Variants in ZFAND3 observed in about 807,000 individuals in gnomAD.
ZFAND3 encodes the protein zinc finger AN1-type containing 3.
In ZFAND3, 10 loss-of-function variants were observed where a neutral mutation model predicts 29.6. The observed-to-expected ratio is 0.34, with a 90% CI of 0.21 to 0.57. The LOEUF (loss-of-function observed/expected upper bound fraction) is 0.57, where lower values mean the gene tolerates loss of function less well. Ranked by LOEUF, ZFAND3 falls within the 20% of genes least tolerant of loss-of-function variation. ZFAND3 has a pLI of 0.86. For missense variants in ZFAND3, 230 were observed against 304.5 expected, an observed-to-expected ratio of 0.76 and a Z score of 1.82; for synonymous variants, 128 against 112.6, an observed-to-expected ratio of 1.14 and a Z score of -0.87.
intron 2 of ZFAND3, among the ~76,000 whole-genome samples, chr6:37,986,815 T>C (rs72850871): frequency 0.065 from 9,905 of 152,166 alleles, 394 homozygotes; most frequent in Non-Finnish European, 0.093. Context: ...TTAAGAAGCC[T>C]AAGTATTAAA....
At chr6:37,868,993 TAGTAGA>T in intron 1 of ZFAND3, among the ~76,000 whole-genome samples, 1 of 152,342 alleles carries the variant, frequency 6.6e-6, no homozygotes, top group East Asian at 1.9e-4. Context: ...CAAATTCAGT[TAGTAGA>T]GTTAGGGCTA....
intron 2 of ZFAND3, among the ~76,000 whole-genome samples, chr6:37,949,976 C>T (rs528578450): frequency 6.6e-6 from 1 of 152,294 alleles, no homozygotes; most frequent in Admixed American, 6.5e-5. Context: ...TTAAGACCCA[C>T]AATCAGAAAA....
chr6:37,946,749 C>T (rs1339814615), intron 2 of ZFAND3, among the ~76,000 whole-genome samples: 2 of 152,060 alleles, frequency 1.3e-5, no homozygotes, highest in African/African-American at 4.8e-5. Flanking sequence ...TGAACCTTGA[C>T]AACATTATGC....
chr6:38,107,585 A>G (rs776475453), intron 4 of ZFAND3, among the ~76,000 whole-genome samples: 44 of 152,154 alleles, frequency 2.9e-4, no homozygotes, highest in Admixed American at 6.5e-4. Context: ...TAATCCCAGC[A>G]CTTGGGGAGG....
In ZFAND3 at chr6:38,154,411, T is replaced by C; in HGVS notation, c.*2022T>C. ...GGGTGGGGCTTGTTCCCCTGCAGTA[T>C]CTGTTCTGTGAAGTTTGTTAAATGT... On this transcript the variant is annotated 3_prime_UTR_variant, in exon 6 of 6. Transcript: ENST00000287218. The C allele has an allele frequency of 2.0e-6, 2 of 985,532 alleles. No individual in the cohort carries two copies. The highest frequency in any genetic ancestry group is 2.4e-6 in the Non-Finnish European group (2 of 829,602). 61.0% of individuals were successfully genotyped at this position (985,532 alleles called of 1,614,324 possible). A position where few individuals can be genotyped will look rare whatever the true frequency, so the allele number is the denominator to read the frequency against.
At chr6:37,822,239 G>A (rs1228595830) in intron 1 of ZFAND3, among the ~76,000 whole-genome samples, 4 of 152,176 alleles carry the variant, frequency 2.6e-5, no homozygotes, top group Non-Finnish European at 4.4e-5. Flanking sequence ...TAAGCAACCA[G>A]GGCTTCTTTT....
In ZFAND3 at chr6:38,103,058, G is replaced by T. The variant is rs576275299; in HGVS notation, c.362-13514G>T. Among the ~76,000 whole-genome samples, 14 of 152,234 alleles carry T rather than the reference G, an allele frequency of 9.2e-5. No individual in the cohort carries two copies. The South Asian group carries it at 2.7e-3, about 29-fold the overall frequency. On this transcript the variant is annotated intron_variant, in intron 4 of 5. Transcript: ENST00000287218. The stretch of plus-strand genomic sequence containing the variant: ...AGGCGTGAGCCACCGCGCCTGGCTG[G>T]AAGTTTAACTTCTAAATGAATGTTC...
intron 2 of ZFAND3, among the ~76,000 whole-genome samples, chr6:38,033,823 G>T (rs1371116671): frequency 1.3e-5 from 2 of 152,052 alleles, no homozygotes; most frequent in Non-Finnish European, 2.9e-5. Context: ...CAATCACAGG[G>T]TATCTCTATG....
At chr6:38,022,427 G>A (rs1763369849) in intron 2 of ZFAND3, among the ~76,000 whole-genome samples, 1 of 152,208 alleles carries the variant, frequency 6.6e-6, no homozygotes, top group African/African-American at 2.4e-5. Flanking sequence ...TGGAGACACT[G>A]TTTTAAAATG....
intron 2 of ZFAND3, among the ~76,000 whole-genome samples, chr6:37,986,930 C>A (rs751322744): frequency 9.9e-5 from 15 of 152,094 alleles, no homozygotes; most frequent in Non-Finnish European, 2.1e-4. Flanking sequence ...GTTCCAGGCA[C>A]AGGGAATACA....
At position 37,940,831 on chromosome 6, in the gene ZFAND3, A is replaced by G. The variant is rs16890277; in HGVS notation, c.112+10832A>G. ...ACCTTAAGACTTCCGGCTTGAAGAA[A>G]AAGAAAAATGACACATAATCTTAAA... On this transcript the variant is annotated intron_variant, in intron 2 of 5. Transcript: ENST00000287218. 6.8e-3 allele frequency among the ~76,000 whole-genome samples: 1,043 copies of G among 152,382 alleles called. 29 individuals are homozygous for G. In the East Asian group the frequency reaches 0.073, roughly 11 times the overall value.
chr6:38,023,753 A>C (rs982537004), intron 2 of ZFAND3, among the ~76,000 whole-genome samples: 9 of 152,354 alleles, frequency 5.9e-5, no homozygotes, highest in African/African-American at 2.2e-4. Context: ...TTTTACAAAA[A>C]AGTGATGTAT....
intron 2 of ZFAND3, among the ~76,000 whole-genome samples, chr6:37,969,024 C>T (rs996033681): frequency 3.9e-5 from 6 of 152,318 alleles, no homozygotes; most frequent in Middle Eastern, 3.4e-3. Flanking sequence ...TAGCCTACTA[C>T]ACACCTAGGC....
chr6:38,094,268 T>C (rs540633929), intron 4 of ZFAND3, among the ~76,000 whole-genome samples: 21 of 152,108 alleles, frequency 1.4e-4, no homozygotes, highest in Admixed American at 1.3e-3. Flanking sequence ...TGTCATTAAG[T>C]AGTTTAAGTT....
chr6:37,925,075 C>A (rs1561936143), intron 1 of ZFAND3, among the ~76,000 whole-genome samples: 1 of 149,540 alleles, frequency 6.7e-6, no homozygotes, highest in East Asian at 2.0e-4. Flanking sequence ...GACTTCCAGA[C>A]TTTTTTTTTT....
At chr6:38,110,754 C>T (rs942786107) in intron 4 of ZFAND3, among the ~76,000 whole-genome samples, 8 of 152,204 alleles carry the variant, frequency 5.3e-5, no homozygotes, top group African/African-American at 1.9e-4. Context: ...AAGGGAATAG[C>T]AGAAGGCTTT....
chr6:37,897,546 A>G (rs1159923610), intron 1 of ZFAND3, among the ~76,000 whole-genome samples: 1 of 152,172 alleles, frequency 6.6e-6, no homozygotes, highest in Non-Finnish European at 1.5e-5. Flanking sequence ...GGAATCGGTG[A>G]GTCATAGGTT....
At chr6:37,926,892 A>G (rs1761495193) in intron 1 of ZFAND3, among the ~76,000 whole-genome samples, 1 of 152,246 alleles carries the variant, frequency 6.6e-6, no homozygotes, top group Non-Finnish European at 1.5e-5. Context: ...AACATGAGAA[A>G]GGATCAAAGT....
chr6:38,007,186 T>C (rs1763065678), intron 2 of ZFAND3, among the ~76,000 whole-genome samples: 1 of 152,230 alleles, frequency 6.6e-6, no homozygotes, highest in South Asian at 2.1e-4. Flanking sequence ...TATTTAGCTT[T>C]ATGAAAAACT....
Sources: allele counts gnomAD v4.1 joint callset (sites outside exome capture counted in the v4.1 genomes callset), GRCh38; gene constraint gnomAD v4.1.1; transcripts MANE v1.5; gene names NCBI Gene and HGNC (gene_info 2026-07-23, HGNC 2026-07-21).